The following DIAPH2 variants were observed in gnomAD, a reference collection of about 807,000 sequenced individuals.
The protein encoded by DIAPH2 is diaphanous related formin 2.
A neutral mutation model predicts 92.7 loss-of-function variants in DIAPH2; 35 were observed. That is an observed-to-expected ratio of 0.38 (90% CI 0.29 to 0.50). The LOEUF (loss-of-function observed/expected upper bound fraction) is 0.50. Among genes scored for constraint, DIAPH2 ranks in the 20% least tolerant of loss-of-function variants. The pLI is 0.94. For synonymous variants in DIAPH2, 301 were observed against 280.4 expected, an observed-to-expected ratio of 1.07 and a Z score of -0.73; for missense variants, 701 against 819.5, an observed-to-expected ratio of 0.86 and a Z score of 1.77.
chrX:97,583,331 G>A (rs1350378881), intron 26 of DIAPH2, among the ~76,000 whole-genome samples: 1 of 108,939 alleles, frequency 9.2e-6, no homozygotes, highest in Non-Finnish European at 1.9e-5. Context: ...TTTGATGATG[G>A]TGATGTACAG....
intron 23 of DIAPH2, among the ~76,000 whole-genome samples, chrX:97,291,462 T>G (rs1287291594): frequency 1.8e-5 from 2 of 112,012 alleles, no homozygotes; most frequent in Non-Finnish European, 3.8e-5. Flanking sequence ...TCTGTGAATT[T>G]TAACTATTGT....
intron 23 of DIAPH2, among the ~76,000 whole-genome samples, chrX:97,341,716 G>A (rs1602521404): frequency 9.0e-6 from 1 of 111,019 alleles, no homozygotes; most frequent in East Asian, 2.8e-4. Flanking sequence ...AATGTCCCAG[G>A]GCAAGAGATG....
chrX:96,854,333 T>C (rs1285037578), intron 4 of DIAPH2, among the ~76,000 whole-genome samples: 1 of 109,069 alleles, frequency 9.2e-6, no homozygotes, highest in African/African-American at 3.3e-5. Context: ...AACCTTATTT[T>C]CCTTTCCTAG....
At chrX:97,583,145 T>G (rs1003532810) in intron 26 of DIAPH2, among the ~76,000 whole-genome samples, 1 of 112,045 alleles carries the variant, frequency 8.9e-6, no homozygotes, top group Non-Finnish European at 1.9e-5. Flanking sequence ...CAGAGTAATT[T>G]GATCGTCTGA....
intron 20 of DIAPH2, among the ~76,000 whole-genome samples, chrX:97,111,931 A>C (rs940007159): frequency 1.2e-4 from 14 of 112,733 alleles, no homozygotes; most frequent in African/African-American, 3.5e-4. Context: ...TTGAGAATCA[A>C]ATCAGTTAAT....
At chrX:97,410,754 G>A (rs183553799) in intron 25 of DIAPH2, among the ~76,000 whole-genome samples, 2 of 112,054 alleles carry the variant, frequency 1.8e-5, no homozygotes, top group East Asian at 2.8e-4. Context: ...ACTACGTGAT[G>A]CATGCACAAG....
At chrX:96,938,717 T>C (rs1333961267) in intron 11 of DIAPH2, among the ~76,000 whole-genome samples, 1 of 112,196 alleles carries the variant, frequency 8.9e-6, no homozygotes, top group African/African-American at 3.2e-5. Context: ...CTATATCTTG[T>C]CTCTACTTTC....
At chrX:96,698,895 A>T (rs1221911572) in intron 1 of DIAPH2, among the ~76,000 whole-genome samples, 2 of 99,055 alleles carry the variant, frequency 2.0e-5, no homozygotes, top group African/African-American at 3.7e-5. Context: ...GCCCCACTAA[A>T]TTTTTTTTTT....
intron 26 of DIAPH2, among the ~76,000 whole-genome samples, chrX:97,589,231 C>T (rs1325087363): frequency 5.3e-5 from 5 of 94,466 alleles, no homozygotes; most frequent in Admixed American, 2.5e-4. Flanking sequence ...ACAGAAGAAT[C>T]GCTTGAACCC....
At chrX:97,257,910 G>A (rs1311911488) in intron 23 of DIAPH2, among the ~76,000 whole-genome samples, 1 of 97,171 alleles carries the variant, frequency 1.0e-5, no homozygotes, top group Non-Finnish European at 2.0e-5. Flanking sequence ...CCCCTAAACC[G>A]CACAAATAGG....
intron 25 of DIAPH2, among the ~76,000 whole-genome samples, chrX:97,429,172 G>A (rs752973896): frequency 8.9e-6 from 1 of 112,378 alleles, no homozygotes; most frequent in African/African-American, 3.2e-5. Flanking sequence ...ATGCAAATGT[G>A]TTTTGCAAAT....
intron 3 of DIAPH2, among the ~76,000 whole-genome samples, chrX:96,746,739 G>T (rs770492885): frequency 9.1e-6 from 1 of 109,877 alleles, no homozygotes; most frequent in South Asian, 4.0e-4. Flanking sequence ...TAGAGTGTGG[G>T]TCTTGCTATT....
At chrX:96,873,950 A>G (rs2065161583) in intron 4 of DIAPH2, among the ~76,000 whole-genome samples, 1 of 111,821 alleles carries the variant, frequency 8.9e-6, no homozygotes, top group African/African-American at 3.2e-5. Flanking sequence ...GTTCTTTACA[A>G]TATTTGTTAA....
chrX:97,583,198 T>C (rs1192549158), intron 26 of DIAPH2, among the ~76,000 whole-genome samples: 1 of 112,474 alleles, frequency 8.9e-6, no homozygotes, highest in African/African-American at 3.2e-5. Context: ...TCTGTCCAGC[T>C]TTGTTCTGCT....
At chrX:97,437,292 A>T (rs1381067807) in intron 26 of DIAPH2, among the ~76,000 whole-genome samples, 2 of 112,097 alleles carry the variant, frequency 1.8e-5, no homozygotes, top group Non-Finnish European at 3.8e-5. Flanking sequence ...TCTATAATAC[A>T]TTCATTATAT....
intron 22 of DIAPH2, among the ~76,000 whole-genome samples, chrX:97,181,149 G>A (rs780589610): frequency 4.0e-4 from 44 of 108,753 alleles, no homozygotes; most frequent in Admixed American, 3.0e-4. Context: ...GGCTCACCAC[G>A]TCCTCTGCCT....
At chrX:97,096,043 G>A (rs1183261940) in intron 19 of DIAPH2, among the ~76,000 whole-genome samples, 1 of 111,960 alleles carries the variant, frequency 8.9e-6, no homozygotes, top group African/African-American at 3.2e-5. Context: ...GCAGCAGGTG[G>A]GGTTGGGGGA....
intron 5 of DIAPH2, chrX:96,884,458 A>G (rs192076302): frequency 8.3e-7 from 1 of 1,209,036 alleles, no homozygotes; most frequent in Non-Finnish European, 1.1e-6. Context: ...TGTACCGTGT[A>G]ATGTGAACCA....
chrX:97,234,224 G>A (rs1023722778), intron 22 of DIAPH2, among the ~76,000 whole-genome samples: 1 of 107,826 alleles, frequency 9.3e-6, no homozygotes, highest in African/African-American at 3.4e-5. Flanking sequence ...CCAGCTACTC[G>A]GGAGGCTGAG....
Sources: gnomAD v4.1 joint callset for allele counts (sites outside exome capture counted in the v4.1 genomes callset) on GRCh38, gnomAD v4.1.1 for gene constraint, MANE v1.5 for transcripts, NCBI Gene and HGNC (gene_info 2026-07-23, HGNC 2026-07-21) for gene names.